Variants in CBL observed in about 807,000 individuals in gnomAD.
The protein encoded by CBL is E3 ubiquitin-protein ligase CBL.
In CBL, 45 loss-of-function variants were observed where a neutral mutation model predicts 96.9. The ratio of observed to expected loss-of-function variants is 0.46; its 90% CI spans 0.37 to 0.60. The LOEUF (loss-of-function observed/expected upper bound fraction) is 0.60, where lower values mean the gene tolerates loss of function less well. CBL is among the 20% of genes least tolerant of loss of function. The pLI is 0.00. For synonymous variants in CBL, 420 were observed against 426.8 expected, an observed-to-expected ratio of 0.98 and a Z score of 0.20; for missense variants, 1,024 against 1,143.5, an observed-to-expected ratio of 0.90 and a Z score of 1.51.
intron 2 of CBL, among the ~76,000 whole-genome samples, chr11:119,270,118 A>T (rs1219507370): frequency 6.6e-6 from 1 of 152,124 alleles, no homozygotes; most frequent in East Asian, 1.9e-4. Flanking sequence ...GTGTAATAGT[A>T]TCTATATCAT....
chr11:119,243,243 A>C (rs1039824665), intron 2 of CBL, among the ~76,000 whole-genome samples: 1 of 152,146 alleles, frequency 6.6e-6, no homozygotes, highest in African/African-American at 2.4e-5. Flanking sequence ...ATGCCAGTGC[A>C]CTCCAGCCTG....
At chr11:119,270,903 T>A (rs1404172856) in intron 2 of CBL, among the ~76,000 whole-genome samples, 1 of 152,194 alleles carries the variant, frequency 6.6e-6, no homozygotes, top group Non-Finnish European at 1.5e-5. Flanking sequence ...TATAACCATA[T>A]CCATTAAACA....
chr11:119,251,987 A>T (rs1949672731), intron 2 of CBL, among the ~76,000 whole-genome samples: 1 of 152,224 alleles, frequency 6.6e-6, no homozygotes, highest in Non-Finnish European at 1.5e-5. Flanking sequence ...TGCCTGCTAG[A>T]GATACCTAGT....
chr11:119,247,118 A>G (rs1949637156), intron 2 of CBL, among the ~76,000 whole-genome samples: 1 of 152,192 alleles, frequency 6.6e-6, no homozygotes, highest in South Asian at 2.1e-4. Context: ...CATTTTGGAG[A>G]AACACTCTGC....
chr11:119,252,846 A>G lies in CBL; in HGVS notation c.444-18889A>G, dbSNP rs1949680570. 4.7e-5 allele frequency among the ~76,000 whole-genome samples: 7 copies of G among 150,116 alleles called. No homozygotes were observed. In the South Asian group the frequency reaches 1.5e-3, roughly 32 times the overall value. ...CAGTCAGCCGAGGTCATGCCATTAC[A>G]CTCTAGCCTGGGCAGTAAAAGTGAA... On this transcript the variant is annotated intron_variant, in intron 2 of 15. Coordinates refer to ENST00000264033, the MANE Select transcript of CBL (RefSeq NM_005188.4).
chr11:119,306,394 C>G lies in CBL; in HGVS notation c.*6613C>G. 1 of 398,960 alleles carries G rather than the reference C, an allele frequency of 2.5e-6. No homozygotes were observed. Among genetic ancestry groups the G allele is most frequent in the East Asian group, 3.6e-5 (1 of 28,070 alleles). 24.7% of individuals were successfully genotyped at this position (398,960 alleles called of 1,614,324 possible). A position where few individuals can be genotyped will look rare whatever the true frequency, so the allele number is the denominator to read the frequency against. ...CCAAAAATGAATGTCAGGCCCCGCC[C>G]CCTCCCCACCAACATTGCCTCTCCT... On this transcript the variant is annotated 3_prime_UTR_variant, in exon 16 of 16. Coordinates refer to ENST00000264033, the MANE Select transcript of CBL (RefSeq NM_005188.4).
At chr11:119,252,725 A>C (rs1267646744) in intron 2 of CBL, among the ~76,000 whole-genome samples, 4 of 151,366 alleles carry the variant, frequency 2.6e-5, no homozygotes, top group East Asian at 1.9e-4. Context: ...AACAAACAAA[A>C]AAACTTAGCT....
chr11:119,232,716 A>C lies in CBL; in HGVS notation c.443+21A>C, dbSNP rs765080506. On this transcript the variant is annotated intron_variant, in intron 2 of 15. Coordinates refer to ENST00000264033, the MANE Select transcript of CBL (RefSeq NM_005188.4). ...CCTAGGTAATGGAGAAATACTACAC[A>C]AATAATTATGCAGGTCTGTGACTGC... The C allele has an allele frequency of 1.1e-5, 17 of 1,610,268 alleles. No homozygotes were observed. The South Asian group carries it at 1.9e-4, about 18-fold the overall frequency.
chr11:119,280,914 A>G (rs1949928819), intron 9 of CBL, among the ~76,000 whole-genome samples: 2 of 152,210 alleles, frequency 1.3e-5, no homozygotes, highest in African/African-American at 4.8e-5. Flanking sequence ...GCCAAGTAAC[A>G]TACTATACAA....
In CBL at chr11:119,251,312, G is replaced by A. The variant is rs1949668209; in HGVS notation, c.443+18617G>A. On this transcript the variant is annotated intron_variant, in intron 2 of 15. Coordinates refer to ENST00000264033, the MANE Select transcript of CBL (RefSeq NM_005188.4). ...AGTTGTGGACACCGAGGCTCAGAGA[G>A]TTAGATTAACATACGTTTACCAGCC... is the stretch of plus-strand genomic sequence containing the variant. Among the ~76,000 whole-genome samples, 5 of 152,158 alleles carry A rather than the reference G, an allele frequency of 3.3e-5. No individual in the cohort carries two copies. The South Asian group carries it at 1.0e-3, about 32-fold the overall frequency.
rs372375408 is a variant in CBL, at chr11:119,216,104, C to T, written c.195+9492C>T. 3.9e-4 allele frequency among the ~76,000 whole-genome samples: 59 copies of T among 152,302 alleles called. 1 individual carries two copies. In the East Asian group the frequency reaches 6.2e-3, roughly 16 times the overall value. ...CATAGATGGACCTGTGGTTCTCTCACGAGAAATAAGCAGCCCCTCTGGGTC... is the reference window on the plus strand; with the variant it reads ...CATAGATGGACCTGTGGTTCTCTCATGAGAAATAAGCAGCCCCTCTGGGTC... On this transcript the variant is annotated intron_variant, in intron 1 of 15. Transcript: ENST00000264033.
At chr11:119,291,374 G>A (rs573367406) in intron 12 of CBL, among the ~76,000 whole-genome samples, 28 of 152,308 alleles carry the variant, frequency 1.8e-4, no homozygotes, top group African/African-American at 6.3e-4. Flanking sequence ...TACAGAGCAC[G>A]ACCCTGTCTC....
Position 119,302,982 on chromosome 11 carries a change from T to G in CBL, c.*3201T>G, listed in dbSNP as rs1206315351. 3.1e-5 allele frequency: 7 copies of G among 228,330 alleles called. No homozygotes were observed. The highest frequency in any genetic ancestry group is 6.1e-5 in the Non-Finnish European group (7 of 114,952). 14.1% of individuals were successfully genotyped at this position (228,330 alleles called of 1,614,324 possible). A position where few individuals can be genotyped will look rare whatever the true frequency, so the allele number is the denominator to read the frequency against. ...GTGGGATACTACTGTTAGTATTATTTAACTATTTTGTAGATTTAAAAGATT... is the reference window on the plus strand; with the variant it reads ...GTGGGATACTACTGTTAGTATTATTGAACTATTTTGTAGATTTAAAAGATT... On this transcript the variant is annotated 3_prime_UTR_variant, in exon 16 of 16. Coordinates refer to ENST00000264033, the MANE Select transcript of CBL (RefSeq NM_005188.4).
At chr11:119,212,300 T>TA (rs1004791985) in intron 1 of CBL, among the ~76,000 whole-genome samples, 108 of 152,156 alleles carry the variant, frequency 7.1e-4, no homozygotes, top group African/African-American at 2.6e-3. Flanking sequence ...ATCATGAGCT[T>TA]AAAAAAAATT....
intron 1 of CBL, among the ~76,000 whole-genome samples, chr11:119,219,841 G>A (rs909349633): frequency 2.1e-5 from 3 of 140,128 alleles, no homozygotes; most frequent in African/African-American, 5.5e-5. Context: ...GCACCACCAC[G>A]CCCGACTATT....
At chr11:119,218,658 A>T (rs1376478281) in intron 1 of CBL, among the ~76,000 whole-genome samples, 1 of 152,146 alleles carries the variant, frequency 6.6e-6, no homozygotes, top group Non-Finnish European at 1.5e-5. Flanking sequence ...TACACCGTCT[A>T]CACTACCCAC....
chr11:119,225,724 C>CTTTTTT (rs57084908), intron 1 of CBL, among the ~76,000 whole-genome samples: 23 of 102,448 alleles, frequency 2.2e-4, no homozygotes, highest in South Asian at 6.6e-4. Flanking sequence ...TAAATATTTT[C>CTTTTTT]TTTTTTTTTT....
Position 119,297,440 on chromosome 11 carries a change from T to A in CBL, c.2210T>A (p.Ile737Asn). The A allele has an allele frequency of 6.2e-7, 1 of 1,613,864 alleles. No homozygotes were observed. Among genetic ancestry groups the A allele is most frequent in the Non-Finnish European group, 8.5e-7 (1 of 1,179,954 alleles). Residue 737 changes from isoleucine (I) to asparagine (N), a missense_variant, in exon 14 of 16, where the codon ATT becomes AAT. Around this residue, in one of 4 missense-constraint regions of CBL, gnomAD observed 695 missense variants for 661.6 expected, o/e 1.05. Coordinates refer to ENST00000264033, the MANE Select transcript of CBL (RefSeq NM_005188.4). Reference protein sequence around the residue: ...DSCTYEAMYNIQSQAPSITES... With the variant: ...DSCTYEAMYNNQSQAPSITES... ...TGTACGTATGAAGCAATGTATAATA[T>A]TCAGTCCCAGGCGCCATCTATCACC...
chr11:119,244,838 C>T (rs999968252), intron 2 of CBL, among the ~76,000 whole-genome samples: 1 of 151,916 alleles, frequency 6.6e-6, no homozygotes, highest in African/African-American at 2.4e-5. Flanking sequence ...AGGTGTGAGC[C>T]AGCATGGTTG....
Sources: allele counts gnomAD v4.1 joint callset (sites outside exome capture counted in the v4.1 genomes callset), GRCh38; gene constraint gnomAD v4.1.1; regional missense constraint gnomAD v4.1.1; transcripts MANE v1.5; gene names NCBI Gene and HGNC (gene_info 2026-07-23, HGNC 2026-07-21).